Variants in CEP192 observed in about 807,000 individuals in gnomAD.
CEP192 encodes the protein centrosomal protein 192, also known as centrosomal protein of 192 kDa.
In CEP192, 151 loss-of-function variants were observed where a neutral mutation model predicts 271.8. The ratio of observed to expected loss-of-function variants is 0.56; its 90% CI spans 0.49 to 0.64. The LOEUF (loss-of-function observed/expected upper bound fraction) is 0.64. CEP192 is among the 30% of genes least tolerant of loss of function. CEP192 has a pLI of 0.00. For missense variants in CEP192, 2,910 were observed against 3,020.5 expected, an observed-to-expected ratio of 0.96 and a Z score of 0.86; for synonymous variants, 995 against 1,076.5, an observed-to-expected ratio of 0.92 and a Z score of 1.48.
intron 35 of CEP192, 114 bp downstream of exon 35, chr18:13,095,795 A>G (rs1414747885): frequency 3.3e-6 from 3 of 917,296 alleles, no homozygotes; most frequent in Non-Finnish European, 4.9e-6. Flanking sequence ...TTGAGCTGTG[A>G]CTTGCCCAGG....
Position 13,019,102 on chromosome 18 carries a change from G to GAT in CEP192, c.948_949dup (p.Ser317IlefsTer23). ...TTCAGGTAATTCTATAGGTACTGGAGATAGTAGAAGGTACACAGATGGTAT... is the reference window on the plus strand; with the variant it reads ...TTCAGGTAATTCTATAGGTACTGGAGATATAGTAGAAGGTACACAGATGGTAT... On this transcript the variant is annotated frameshift_variant, in exon 9 of 45. Transcript: ENST00000506447. LOFTEE classifies it high-confidence loss of function. 6.5e-7 allele frequency: 1 copy of GAT among 1,539,560 alleles called. No individual in the cohort carries two copies. The highest frequency in any genetic ancestry group is 8.8e-7 in the Non-Finnish European group (1 of 1,142,680).
chr18:13,100,033 T>C (rs1046351926), intron 37 of CEP192, among the ~76,000 whole-genome samples: 2 of 152,198 alleles, frequency 1.3e-5, no homozygotes, highest in African/African-American at 2.4e-5. Context: ...TTTTCCATAG[T>C]GATCAGAACA....
intron 34 of CEP192, among the ~76,000 whole-genome samples, chr18:13,093,675 C>T (rs1448248158): frequency 6.6e-6 from 1 of 152,142 alleles, no homozygotes; most frequent in Non-Finnish European, 1.5e-5. Flanking sequence ...ATGGCTTACC[C>T]GAAATGAAGA....
intron 15 of CEP192, among the ~76,000 whole-genome samples, chr18:13,047,708 G>T (rs1473731189): frequency 2.0e-5 from 3 of 152,108 alleles, no homozygotes; most frequent in African/African-American, 7.2e-5. Flanking sequence ...TTTTGTTGTT[G>T]TTGTTGTTAA....
intron 35 of CEP192, 149 bp downstream of exon 35, chr18:13,095,830 C>T: frequency 2.8e-6 from 2 of 709,048 alleles, no homozygotes; most frequent in South Asian, 2.0e-5. Flanking sequence ...TTGGAGACCC[C>T]ACTCAGACTT....
chr18:13,001,723 G>T, intron 3 of CEP192, 141 bp downstream of exon 3: 1 of 904,086 alleles, frequency 1.1e-6, no homozygotes, highest in South Asian at 2.1e-5. Context: ...ATTTTGAGGC[G>T]GAGTTTCACT....
At position 13,053,104 on chromosome 18, in the gene CEP192, T is replaced by TG; in HGVS notation, c.3189+16dup. ...GAGGACCGCAAGGTGGGCAGCCACT[T>TG]GGATTATTTATTACTAAGGCTTTCA... On this transcript the variant is annotated intron_variant, in intron 18 of 44. Coordinates refer to ENST00000506447, the MANE Select transcript of CEP192 (RefSeq NM_032142.4). 6.3e-7 allele frequency: 1 copy of TG among 1,592,112 alleles called. No individual in the cohort carries two copies.
At chr18:13,061,155 T>C (rs1367125313) in intron 21 of CEP192, among the ~76,000 whole-genome samples, 2 of 152,108 alleles carry the variant, frequency 1.3e-5, no homozygotes, top group African/African-American at 4.8e-5. Flanking sequence ...AAACCCTGTC[T>C]CTAGTAAAAA....
At chr18:12,991,973 C>A (rs182179359) in intron 1 of CEP192, among the ~76,000 whole-genome samples, 196 of 152,294 alleles carry the variant, frequency 1.3e-3, no homozygotes, top group Admixed American at 3.1e-3. Context: ...TGCTAGGTTG[C>A]GTTCATTTAT....
intron 7 of CEP192, among the ~76,000 whole-genome samples, chr18:13,018,276 T>C (rs956143534): frequency 6.6e-6 from 1 of 152,198 alleles, no homozygotes; most frequent in Non-Finnish European, 1.5e-5. Context: ...TTGATCATCT[T>C]ATTCCCCGGC....
intron 18 of CEP192, 62 bp downstream of exon 18, chr18:13,053,152 G>T: frequency 7.4e-7 from 1 of 1,343,150 alleles, no homozygotes. Context: ...GTTAACAGAT[G>T]TTTGATTCAG....
rs767527860 is a variant in CEP192, at chr18:13,087,070, A to G, written c.5670A>G (p.Lys1890=). The change falls in exon 31 of 45, where the codon AAA becomes AAG. Residue 1890 remains lysine, a synonymous_variant. Transcript: ENST00000506447. ...GCAATCTTATTTTGGAAGGCGTTAA[A>G]AAATTATCTGACAGTTACATGGTAA... ...GTSNLILEGV[K]KLSDSYMVTV... 2 of 1,613,418 alleles carry G rather than the reference A, an allele frequency of 1.2e-6. No homozygotes were observed. Among genetic ancestry groups the G allele is most frequent in the South Asian group, 2.2e-5 (2 of 91,034 alleles).
chr18:13,111,786 G>C (rs2040221846), intron 40 of CEP192, among the ~76,000 whole-genome samples: 1 of 152,160 alleles, frequency 6.6e-6, no homozygotes, highest in African/African-American at 2.4e-5. Flanking sequence ...AAAAAGAAAT[G>C]GCCCAATTTT....
intron 9 of CEP192, among the ~76,000 whole-genome samples, chr18:13,020,099 C>T (rs1167467680): frequency 6.6e-6 from 1 of 152,194 alleles, no homozygotes; most frequent in Non-Finnish European, 1.5e-5. Context: ...GAGTGAGCCA[C>T]CACACCCAGC....
At chr18:13,113,180 C>G (rs149002636) in intron 40 of CEP192, among the ~76,000 whole-genome samples, 74 of 152,290 alleles carry the variant, frequency 4.9e-4, no homozygotes, top group Non-Finnish European at 9.6e-4. Context: ...CTCTACAGCT[C>G]CTGGCCGCTG....
At chr18:13,087,444 T>C (rs1346134910) in intron 31 of CEP192, 87 bp from the exon 32 acceptor site, 1 of 933,464 alleles carries the variant, frequency 1.1e-6, no homozygotes, top group African/African-American at 1.7e-5. Flanking sequence ...CTGTGTCGAA[T>C]TTTTAGGCTC....
At chr18:13,035,817 T>C (rs1184754432) in intron 11 of CEP192, among the ~76,000 whole-genome samples, 1 of 152,216 alleles carries the variant, frequency 6.6e-6, no homozygotes, top group Non-Finnish European at 1.5e-5. Context: ...CTCCTGATGC[T>C]CATTCCTAGG....
chr18:13,078,809 C>A (rs2038431516), intron 30 of CEP192, among the ~76,000 whole-genome samples: 1 of 152,128 alleles, frequency 6.6e-6, no homozygotes, highest in South Asian at 2.1e-4. Flanking sequence ...AACAGGCCCC[C>A]ATGTGTGTGA....
chr18:13,074,963 A>G (rs1453709828), intron 30 of CEP192, among the ~76,000 whole-genome samples: 1 of 152,200 alleles, frequency 6.6e-6, no homozygotes, highest in Non-Finnish European at 1.5e-5. Context: ...TGCAATAAAA[A>G]TGTATTGATT....
Sources: gnomAD v4.1 joint callset for allele counts (sites outside exome capture counted in the v4.1 genomes callset) on GRCh38, gnomAD v4.1.1 for gene constraint, MANE v1.5 for transcripts, NCBI Gene and HGNC (gene_info 2026-07-23, HGNC 2026-07-21) for gene names.